Variants in CHRM3 observed in about 807,000 individuals in gnomAD.
CHRM3 encodes the protein cholinergic receptor muscarinic 3, also known as muscarinic acetylcholine receptor M3.
CHRM3 carries 11 observed loss-of-function variants against 41.8 expected under a neutral mutation model. The observed-to-expected ratio is 0.26, with a 90% CI of 0.17 to 0.44. The LOEUF (loss-of-function observed/expected upper bound fraction) is 0.44. Among genes scored for constraint, CHRM3 ranks in the 20% least tolerant of loss-of-function variants. The probability of loss-of-function intolerance (pLI) is 1.00; values close to 1 mark genes in which losing one functional copy is unlikely to be tolerated. For missense variants in CHRM3, 571 were observed against 745.4 expected, an observed-to-expected ratio of 0.77 and a Z score of 2.72; for synonymous variants, 297 against 301.4, an observed-to-expected ratio of 0.99 and a Z score of 0.15.
intron 1 of CHRM3, among the ~76,000 whole-genome samples, chr1:239,410,479 G>A (rs1660979288): frequency 6.6e-6 from 1 of 152,132 alleles, no homozygotes; most frequent in South Asian, 2.1e-4. Context: ...CCATTTTCAA[G>A]GCCTAGAGGG....
chr1:239,775,963 TTTTAACCC>T (rs1488529913), intron 5 of CHRM3, among the ~76,000 whole-genome samples: 1 of 152,218 alleles, frequency 6.6e-6, no homozygotes, highest in African/African-American at 2.4e-5. Flanking sequence ...TGAAAGGGGC[TTTTAACCC>T]TTATAGATAT....
chr1:239,689,352 G>A (rs561384211), intron 5 of CHRM3, among the ~76,000 whole-genome samples: 1 of 152,068 alleles, frequency 6.6e-6, no homozygotes, highest in South Asian at 2.1e-4. Context: ...TTAGCTTTGA[G>A]TACTTCCTTT....
At chr1:239,488,466 A>G (rs1049612300) in intron 1 of CHRM3, among the ~76,000 whole-genome samples, 2 of 152,126 alleles carry the variant, frequency 1.3e-5, no homozygotes, top group African/African-American at 4.8e-5. Context: ...CTGTAATCCC[A>G]GCACTTTGGG....
chr1:239,880,073 C>A (rs1677460541), intron 6 of CHRM3, among the ~76,000 whole-genome samples: 1 of 152,128 alleles, frequency 6.6e-6, no homozygotes, highest in African/African-American at 2.4e-5. Context: ...GAGAAGAGAT[C>A]CCAAACCCAA....
chr1:239,856,058 C>T (rs497716), intron 6 of CHRM3, among the ~76,000 whole-genome samples: 142,867 of 152,198 alleles, frequency 0.94, 67,722 homozygotes, highest in East Asian at 1. Flanking sequence ...AAAAATCTAA[C>T]ATTCTCCATT....
intron 5 of CHRM3, among the ~76,000 whole-genome samples, chr1:239,686,061 T>C (rs1440680105): frequency 6.7e-6 from 1 of 149,290 alleles, no homozygotes; most frequent in Non-Finnish European, 1.5e-5. Context: ...TGCCTTCTCA[T>C]CTCAACTGAA....
intron 4 of CHRM3, among the ~76,000 whole-genome samples, chr1:239,636,099 A>G (rs6665133): frequency 0.61 from 93,120 of 151,946 alleles, 28,907 homozygotes; most frequent in East Asian, 0.83. Context: ...GATCTATAAT[A>G]TTGGGCGACA....
At chr1:239,875,430 A>G (rs1197614638) in intron 6 of CHRM3, among the ~76,000 whole-genome samples, 1 of 152,256 alleles carries the variant, frequency 6.6e-6, no homozygotes, top group African/African-American at 2.4e-5. Context: ...ATGTGTATGG[A>G]TATGGAAATT....
chr1:239,708,350 A>C (rs1326354586), intron 5 of CHRM3, among the ~76,000 whole-genome samples: 3 of 152,142 alleles, frequency 2.0e-5, no homozygotes, highest in Non-Finnish European at 4.4e-5. Context: ...GCTCTTACTC[A>C]GATGATTGCA....
chr1:239,810,284 G>C (rs948597079), intron 5 of CHRM3, among the ~76,000 whole-genome samples: 9 of 152,130 alleles, frequency 5.9e-5, no homozygotes, highest in African/African-American at 2.2e-4. Flanking sequence ...GAATGCGGGG[G>C]GACTTGAGGG....
chr1:239,568,344 G>A (rs75093741), intron 3 of CHRM3, among the ~76,000 whole-genome samples: 5,137 of 152,198 alleles, frequency 0.034, 107 homozygotes, highest in Middle Eastern at 0.058. Flanking sequence ...GTCTTAGTGA[G>A]TAAGTTTCAC....
At chr1:239,812,897 T>A (rs908412958) in intron 5 of CHRM3, among the ~76,000 whole-genome samples, 5 of 152,208 alleles carry the variant, frequency 3.3e-5, no homozygotes, top group Non-Finnish European at 7.3e-5. Context: ...CCAATGCCTC[T>A]CCCTCCAAAA....
At chr1:239,715,656 G>A (rs1315239231) in intron 5 of CHRM3, among the ~76,000 whole-genome samples, 3 of 152,034 alleles carry the variant, frequency 2.0e-5, no homozygotes, top group African/African-American at 7.2e-5. Flanking sequence ...GAGGGAGGAA[G>A]GTAGGATCCA....
intron 6 of CHRM3, among the ~76,000 whole-genome samples, chr1:239,885,503 T>C (rs1677990831): frequency 6.6e-6 from 1 of 152,178 alleles, no homozygotes; most frequent in Non-Finnish European, 1.5e-5. Context: ...TGACAGATAT[T>C]TGGGCTCCTT....
chr1:239,497,156 TTC>T (rs1249301362), intron 2 of CHRM3, among the ~76,000 whole-genome samples: 6 of 152,186 alleles, frequency 3.9e-5, no homozygotes, highest in African/African-American at 9.6e-5. Flanking sequence ...AGCATGGCCT[TTC>T]TTTTTATCAT....
At chr1:239,616,228 AAT>A (rs1226464054) in intron 3 of CHRM3, among the ~76,000 whole-genome samples, 5 of 152,178 alleles carry the variant, frequency 3.3e-5, no homozygotes, top group African/African-American at 1.2e-4. Context: ...ACCTAAATTT[AAT>A]ATATGTCTTT....
intron 1 of CHRM3, among the ~76,000 whole-genome samples, chr1:239,455,267 T>G (rs1263651454): frequency 1.3e-5 from 2 of 152,012 alleles, no homozygotes; most frequent in Non-Finnish European, 2.9e-5. Context: ...GTCAGGCTGG[T>G]CTTGAACTCC....
At position 239,711,480 on chromosome 1, in the gene CHRM3, A is replaced by G. The variant is rs1661782819; in HGVS notation, c.-147+33192A>G. ...ATCAGTAATCATTAAATAATAATAT[A>G]CGATATTAATATTAAATAGTAAGAA... On this transcript the variant is annotated intron_variant, in intron 5 of 6. Coordinates refer to ENST00000676153, the MANE Select transcript of CHRM3 (RefSeq NM_001375978.1). 3.3e-5 allele frequency among the ~76,000 whole-genome samples: 5 copies of G among 151,920 alleles called. No homozygotes were observed. The South Asian group carries it at 1.0e-3, about 32-fold the overall frequency.
At chr1:239,610,122 G>A (rs1666836962) in intron 3 of CHRM3, among the ~76,000 whole-genome samples, 1 of 148,598 alleles carries the variant, frequency 6.7e-6, no homozygotes, top group Non-Finnish European at 1.5e-5. Flanking sequence ...GAACCTGGGA[G>A]GCGGGGCTTG....
Sources: allele counts gnomAD v4.1 joint callset (sites outside exome capture counted in the v4.1 genomes callset), GRCh38; gene constraint gnomAD v4.1.1; transcripts MANE v1.5; gene names NCBI Gene and HGNC (gene_info 2026-07-23, HGNC 2026-07-21).